The following STAC2 variants were observed in gnomAD, a reference collection of about 807,000 sequenced individuals.
STAC2 encodes SH3 and cysteine rich domain 2, also known as SH3 and cysteine-rich domain-containing protein 2.
A neutral mutation model predicts 49.0 loss-of-function variants in STAC2; 36 were observed. The ratio of observed to expected loss-of-function variants is 0.74; its 90% CI spans 0.56 to 0.97. The LOEUF (loss-of-function observed/expected upper bound fraction) is 0.97. STAC2 is among the 50% of genes least tolerant of loss of function. The pLI, the probability that STAC2 is intolerant of heterozygous loss-of-function variation, is 0.00. For missense variants in STAC2, 527 were observed against 543.8 expected (o/e 0.97, Z 0.31); for synonymous variants, 239 against 214.7 (o/e 1.11, Z -0.99).
intron 1 of STAC2, among the ~76,000 whole-genome samples, chr17:39,222,215 G>C (rs2046469747): frequency 6.6e-6 from 1 of 152,132 alleles, no homozygotes; most frequent in Non-Finnish European, 1.5e-5. Context: ...GAGGTTCCAA[G>C]TCTCCCTACC....
chr17:39,221,531 T>C (rs1353196713), intron 1 of STAC2, among the ~76,000 whole-genome samples: 2 of 152,240 alleles, frequency 1.3e-5, no homozygotes, highest in Non-Finnish European at 2.9e-5. Context: ...TCATTAATCC[T>C]GATGCTGCCC....
Position 39,225,551 on chromosome 17 carries a change from A to T in STAC2, c.-49T>A, listed in dbSNP as rs374037008. 5.1e-5 allele frequency: 80 copies of T among 1,573,570 alleles called. No individual in the cohort carries two copies. The highest frequency in any genetic ancestry group is 6.9e-5 in the Non-Finnish European group (80 of 1,151,370). Reference sequence around the variant, plus strand: ...GGTGCCGAGATCCGACGGCAGGCCCACCGCGGGCAGGCTGCGGGTGGCGGG... The same window carrying T: ...GGTGCCGAGATCCGACGGCAGGCCCTCCGCGGGCAGGCTGCGGGTGGCGGG... On this transcript the variant is annotated 5_prime_UTR_variant, in exon 1 of 11. Transcript: ENST00000333461. This position sits in a 1 kb window ranked among gnomAD's most constrained non-coding sequence, Gnocchi z 8.2.
At chr17:39,218,276 G>C in intron 1 of STAC2, 103 bp from the exon 2 acceptor site, 1 of 1,237,816 alleles carries the variant, frequency 8.1e-7, no homozygotes, top group Non-Finnish European at 1.2e-6. Context: ...AGCAGCAGCA[G>C]CAGCAGCAGC....
rs1040151460 is a variant in STAC2 at position 39,211,198 on chromosome 17, G to C, written c.*1094C>G. ...TGACCGGGGGTCCTGACAGTGAAAT[G>C]GGTTTGCTTTGACCAAGCACGGGCC... On this transcript the variant is annotated 3_prime_UTR_variant, in exon 11 of 11. Transcript: ENST00000333461. The C allele has an allele frequency of 6.6e-6, 1 of 152,374 alleles. No homozygotes were observed. Among genetic ancestry groups the C allele is most frequent in the Non-Finnish European group, 1.5e-5 (1 of 68,064 alleles). The allele number at this position is 152,374 out of a possible 1,614,324, so 9.4% of individuals were successfully genotyped here.
At chr17:39,218,261 GC>G (rs2046428068) in intron 1 of STAC2, 88 bp from the exon 2 acceptor site, 2 of 1,398,006 alleles carry the variant, frequency 1.4e-6, no homozygotes, top group African/African-American at 2.8e-5. Context: ...GGCGGTAGGG[GC>G]GGCAGCAGCA....
rs755769082 is a variant in STAC2 at position 39,215,053 on chromosome 17, C to T, written c.700-30G>A. Reference sequence around the variant, plus strand: ...GGACAGAGAGAGGAGAGGGCTCAGCCCCCGAGCCCACTGTCATGCTCAGAC... The same window carrying T: ...GGACAGAGAGAGGAGAGGGCTCAGCTCCCGAGCCCACTGTCATGCTCAGAC... On this transcript the variant is annotated intron_variant, in intron 5 of 10. Transcript: ENST00000333461. The T allele has an allele frequency of 8.1e-6, 13 of 1,614,058 alleles. No individual in the cohort carries two copies. In the South Asian group the frequency reaches 1.2e-4, roughly 15 times the overall value.
rs1404209349 is a variant in STAC2, at chr17:39,213,489, C to T, written c.993+18G>A. Reference sequence around the variant, plus strand: ...GGTGCCTACCAGTGTCCCTCCACTCCCCACCCTGCCAAGTCACCTTCCACC... The same window carrying T: ...GGTGCCTACCAGTGTCCCTCCACTCTCCACCCTGCCAAGTCACCTTCCACC... On this transcript the variant is annotated intron_variant, in intron 9 of 10. Transcript: ENST00000333461. The T allele has an allele frequency of 3.1e-6, 5 of 1,613,590 alleles. No individual in the cohort carries two copies. The highest frequency in any genetic ancestry group is 4.2e-6 in the Non-Finnish European group (5 of 1,179,700).
Position 39,217,986 on chromosome 17 carries a change from G to A in STAC2, c.278C>T (p.Pro93Leu), listed in dbSNP as rs1316247318. The A allele has an allele frequency of 8.8e-6, 14 of 1,587,428 alleles. No homozygotes were observed. Among genetic ancestry groups the A allele is most frequent in the African/African-American group, 1.3e-5 (1 of 74,480 alleles). Residue 93 changes from proline (P) to leucine (L), a missense_variant, in exon 2 of 11, where the codon CCC (proline) becomes CTC (leucine). Pro to Leu is a moderately conservative substitution (Grantham distance 98). Transcript: ENST00000333461. ...GGGGCGTGGGACTGGGCATGGGGAGGGGGATGGGGTAGCCAGGCCCCTGTC... is the reference window on the plus strand; with the variant it reads ...GGGGCGTGGGACTGGGCATGGGGAGAGGGATGGGGTAGCCAGGCCCCTGTC... ...ASDRGLATPS[P>L]SPCPVPRPLA...
In STAC2 at chr17:39,216,689, G is replaced by A. The variant is rs183914698; in HGVS notation, c.586+121C>T. The A allele has an allele frequency of 2.4e-3, 2,173 of 923,542 alleles. 4 individuals are homozygous for A. The highest frequency in any genetic ancestry group is 2.7e-3 in the Middle Eastern group (8 of 2,990). The allele number at this position is 923,542 out of a possible 1,614,324, so 57.2% of individuals were successfully genotyped here. ...GTGATCTTGGCTCACTGCAACCTCC[G>A]CCTCCTGGGTTCAAGCAATTGAGAG... On this transcript the variant is annotated intron_variant, in intron 4 of 10. Coordinates refer to ENST00000333461, the MANE Select transcript of STAC2 (RefSeq NM_198993.5).
In STAC2 at chr17:39,212,273, T is replaced by C. The variant is rs375792224; in HGVS notation, c.*19A>G. ...TCCAGGCATGGGCAAGGGTGTCATC[T>C]GGGTTCCCTTGGCTCCTCTCAGATC... On this transcript the variant is annotated 3_prime_UTR_variant, in exon 11 of 11. Transcript: ENST00000333461. The C allele has an allele frequency of 3.8e-6, 6 of 1,587,188 alleles. No individual in the cohort carries two copies. The African/African-American group carries it at 8.1e-5, about 21-fold the overall frequency.
chr17:39,214,213 A>G lies in STAC2; in HGVS notation c.941+20T>C, dbSNP rs1473457978. 6.2e-7 allele frequency: 1 copy of G among 1,613,118 alleles called. No individual in the cohort carries two copies. On this transcript the variant is annotated intron_variant, in intron 8 of 10. Coordinates refer to ENST00000333461, the MANE Select transcript of STAC2 (RefSeq NM_198993.5). Reference sequence around the variant, plus strand: ...GAGCGCAGAGCTGCCCAGCGGGGCCAGGTCACAAAGAGGACTTACTGCAGA... The same window carrying G: ...GAGCGCAGAGCTGCCCAGCGGGGCCGGGTCACAAAGAGGACTTACTGCAGA...
At chr17:39,218,240 A>T in intron 1 of STAC2, 67 bp from the exon 2 acceptor site, 3 of 1,562,540 alleles carry the variant, frequency 1.9e-6, no homozygotes, top group Non-Finnish European at 2.6e-6. Flanking sequence ...GCTTCCCTTC[A>T]GGGTGTCTCT....
Position 39,213,498 on chromosome 17 carries a change from C to G in STAC2, c.993+9G>C, listed in dbSNP as rs2046373070. Reference sequence around the variant, plus strand: ...CAGTGTCCCTCCACTCCCCACCCTGCCAAGTCACCTTCCACCAGTCCTCGT... The same window carrying G: ...CAGTGTCCCTCCACTCCCCACCCTGGCAAGTCACCTTCCACCAGTCCTCGT... On this transcript the variant is annotated intron_variant, in intron 9 of 10. Transcript: ENST00000333461. 6.2e-7 allele frequency: 1 copy of G among 1,613,438 alleles called. No homozygotes were observed. Among genetic ancestry groups the G allele is most frequent in the Non-Finnish European group, 8.5e-7 (1 of 1,179,654 alleles).
At chr17:39,222,778 C>T (rs142275688) in intron 1 of STAC2, among the ~76,000 whole-genome samples, 1 of 152,310 alleles carries the variant, frequency 6.6e-6, no homozygotes, top group Non-Finnish European at 1.5e-5. Flanking sequence ...TCTGAATCCC[C>T]TCCCAGAGAC....
Position 39,218,116 on chromosome 17 carries a change from C to T in STAC2, c.148G>A (p.Glu50Lys), listed in dbSNP as rs1340799404. 1.2e-6 allele frequency: 2 copies of T among 1,613,366 alleles called. No homozygotes were observed. Among genetic ancestry groups the T allele is most frequent in the Non-Finnish European group, 1.7e-6 (2 of 1,180,034 alleles). ...LKTILRSKSL[E>K]NFFLRSGSEL... The stretch of plus-strand genomic sequence containing the variant: ...GAGCCCGAGCGAAGGAAGAAGTTCT[C>T]CAAGCTCTTACTTCGGAGGATGGTC... The change falls in exon 2 of 11, where the codon GAG (glutamate) becomes AAG (lysine). Residue 50 changes from glutamate to lysine, a missense_variant. Glu to Lys is a moderately conservative substitution (Grantham distance 56). Coordinates refer to ENST00000333461, the MANE Select transcript of STAC2 (RefSeq NM_198993.5).
At chr17:39,219,343 G>A (rs984800102) in intron 1 of STAC2, among the ~76,000 whole-genome samples, 12 of 151,968 alleles carry the variant, frequency 7.9e-5, no homozygotes, top group Admixed American at 1.3e-4. Flanking sequence ...GCCTCACTCA[G>A]TTCATACCCT....
intron 8 of STAC2, 30 bp downstream of exon 8, chr17:39,214,203 C>T: frequency 6.2e-7 from 1 of 1,611,944 alleles, no homozygotes; most frequent in Non-Finnish European, 8.5e-7. Flanking sequence ...CAGAGCTGCC[C>T]AGCGGGGCCA....
Position 39,212,082 on chromosome 17 carries a change from A to C in STAC2, c.*210T>G. ...CTCCCACCCCACCCCATCCCCGCCAAGTCCCAGAGGATCAACCCACTCAGG... is the reference window on the plus strand; with the variant it reads ...CTCCCACCCCACCCCATCCCCGCCACGTCCCAGAGGATCAACCCACTCAGG... On this transcript the variant is annotated 3_prime_UTR_variant, in exon 11 of 11. Coordinates refer to ENST00000333461, the MANE Select transcript of STAC2 (RefSeq NM_198993.5). 1 of 181,746 alleles carries C rather than the reference A, an allele frequency of 5.5e-6. No individual in the cohort carries two copies. Among genetic ancestry groups the C allele is most frequent in the Non-Finnish European group, 1.2e-5 (1 of 86,798 alleles). 11.3% of individuals were successfully genotyped at this position (181,746 alleles called of 1,614,324 possible). A position where few individuals can be genotyped will look rare whatever the true frequency, so the allele number is the denominator to read the frequency against.
At chr17:39,215,283 T>G in intron 4 of STAC2, 53 bp from the exon 5 acceptor site, 42 of 1,579,098 alleles carry the variant, frequency 2.7e-5, no homozygotes, top group Non-Finnish European at 3.1e-5. Context: ...CCTGCATCTC[T>G]AGTCCCGGCT....
Sources: allele counts gnomAD v4.1 joint callset (sites outside exome capture counted in the v4.1 genomes callset), GRCh38; gene constraint gnomAD v4.1.1; non-coding constraint Gnocchi (gnomAD v3.1); transcripts MANE v1.5; gene names NCBI Gene and HGNC (gene_info 2026-07-23, HGNC 2026-07-21).